Variants in ZSCAN25 observed in about 807,000 individuals in gnomAD.
ZSCAN25 encodes the protein zinc finger and SCAN domain containing 25, also known as zinc finger and SCAN domain-containing protein 25.
Under a neutral mutation model 38.7 loss-of-function variants are expected in ZSCAN25, and 27 were observed. The observed-to-expected ratio is 0.70, with a 90% CI of 0.51 to 0.96. The LOEUF (loss-of-function observed/expected upper bound fraction) is 0.96. Among genes scored for constraint, ZSCAN25 ranks in the 40% least tolerant of loss-of-function variants. The probability of loss-of-function intolerance (pLI) is 0.00; values close to 1 mark genes in which losing one functional copy is unlikely to be tolerated. For missense variants in ZSCAN25, 637 were observed against 705.9 expected (o/e 0.90, Z 1.11); for synonymous variants, 273 against 277.7 (o/e 0.98, Z 0.17).
the ZSCAN25 span, among the ~76,000 whole-genome samples, chr7:99,656,549 G>T: frequency 5.9e-5 from 9 of 152,088 alleles, no homozygotes; most frequent in African/African-American, 1.7e-4. Context: ...TCTCTTTTTT[G>T]GTTGTGTCTC....
downstream of ZSCAN25, among the ~76,000 whole-genome samples, chr7:99,632,823 A>G (rs1273040299): frequency 1.3e-5 from 2 of 152,132 alleles, no homozygotes; most frequent in East Asian, 3.9e-4. Flanking sequence ...CAAAATATCC[A>G]GTGAATTTTA....
chr7:99,663,010 G>C, the ZSCAN25 span: 5 of 1,457,868 alleles, frequency 3.4e-6, no homozygotes, highest in Non-Finnish European at 3.6e-6. Context: ...TCTTGAAGAC[G>C]TGTTACCTGA....
the ZSCAN25 span, among the ~76,000 whole-genome samples, chr7:99,696,228 A>C: frequency 1.7e-5 from 2 of 116,426 alleles, no homozygotes; most frequent in Admixed American, 2.1e-4. Flanking sequence ...CCTAGGCAGA[A>C]AGGGTGACTT....
chr7:99,710,715 A>G, the ZSCAN25 span: 51 of 1,613,662 alleles, frequency 3.2e-5, no homozygotes, highest in Middle Eastern at 1.6e-4. Context: ...CTCCTTCTCC[A>G]TGTACTGTCC....
At chr7:99,625,485 TCTC>T (rs1295271584) in intron 7 of ZSCAN25, among the ~76,000 whole-genome samples, 1 of 152,094 alleles carries the variant, frequency 6.6e-6, no homozygotes, top group African/African-American at 2.4e-5. Context: ...GGGGCACTGG[TCTC>T]CTGGGAGACC....
the ZSCAN25 span, chr7:99,676,292 G>A: frequency 6.3e-7 from 1 of 1,598,800 alleles, no homozygotes; most frequent in Non-Finnish European, 8.5e-7. Context: ...AACTGGAATG[G>A]TCAAGAGAGG....
chr7:99,694,480 C>T, the ZSCAN25 span, among the ~76,000 whole-genome samples: 1 of 152,200 alleles, frequency 6.6e-6, no homozygotes, highest in East Asian at 1.9e-4. Context: ...AATTACAACA[C>T]TTGCTCAGCG....
chr7:99,687,349 C>T, the ZSCAN25 span, among the ~76,000 whole-genome samples: 5 of 152,098 alleles, frequency 3.3e-5, no homozygotes, highest in Admixed American at 2.0e-4. Context: ...AGCTGAAGGC[C>T]AAGGATTGAG....
the ZSCAN25 span, among the ~76,000 whole-genome samples, chr7:99,698,192 T>G: frequency 6.6e-6 from 1 of 152,254 alleles, no homozygotes; most frequent in Non-Finnish European, 1.5e-5. Context: ...CTACAGTTTC[T>G]GACTCCTGGG....
At chr7:99,731,186 T>A in the ZSCAN25 span, 1 of 1,612,692 alleles carries the variant, frequency 6.2e-7, no homozygotes, top group East Asian at 2.2e-5. Context: ...GTCTCAGGGA[T>A]TGTGACTTTA....
the ZSCAN25 span, chr7:99,667,067 T>C: frequency 6.2e-7 from 1 of 1,611,558 alleles, no homozygotes; most frequent in African/African-American, 1.3e-5. Flanking sequence ...GCCTAAAGAC[T>C]AGAGTTCAAC....
the ZSCAN25 span, chr7:99,717,070 T>G: frequency 7.0e-6 from 10 of 1,433,514 alleles, no homozygotes; most frequent in African/African-American, 9.8e-5. Flanking sequence ...ACAGCCCTCC[T>G]TTTGTCTGGT....
the ZSCAN25 span, among the ~76,000 whole-genome samples, chr7:99,640,304 G>A: frequency 2.0e-5 from 3 of 152,100 alleles, no homozygotes; most frequent in Non-Finnish European, 4.4e-5. Context: ...GATTACAGGC[G>A]CCTGCCGTAG....
In ZSCAN25 at chr7:99,621,585, C is replaced by A; in HGVS notation, c.589+11C>A. The A allele has an allele frequency of 7.1e-7, 1 of 1,404,366 alleles. No homozygotes were observed. Among genetic ancestry groups the A allele is most frequent in the Admixed American group, 2.5e-5 (1 of 39,546 alleles). 87.0% of individuals were successfully genotyped at this position (1,404,366 alleles called of 1,614,324 possible). On this transcript the variant is annotated intron_variant, in intron 5 of 7. Transcript: ENST00000394152. ...CCTTCCAGGAGCAAGGTGAGTAAGA[C>A]GCAGATAGTGGGGATGTCAGGTCAT...
chr7:99,680,601 G>A, the ZSCAN25 span, among the ~76,000 whole-genome samples: 1 of 152,150 alleles, frequency 6.6e-6, no homozygotes, highest in African/African-American at 2.4e-5. Flanking sequence ...GCAGGGTACT[G>A]TACACATGGT....
At chr7:99,648,217 A>T in the ZSCAN25 span, 5 of 1,527,632 alleles carry the variant, frequency 3.3e-6, no homozygotes, top group South Asian at 1.3e-5. Flanking sequence ...GCCCATCTTT[A>T]TTTCAAGGTT....
chr7:99,676,274 TACTC>T, the ZSCAN25 span: 11 of 1,607,476 alleles, frequency 6.8e-6, no homozygotes, highest in East Asian at 9.0e-5. Flanking sequence ...GCTGGTGAGT[TACTC>T]AGGAACTGGA....
the ZSCAN25 span, among the ~76,000 whole-genome samples, chr7:99,726,601 C>T: frequency 6.6e-6 from 1 of 152,332 alleles, no homozygotes; most frequent in African/African-American, 2.4e-5. Flanking sequence ...ACCCATCAGT[C>T]CCAGCAGCTT....
the ZSCAN25 span, among the ~76,000 whole-genome samples, chr7:99,637,814 C>T: frequency 6.6e-6 from 1 of 152,080 alleles, no homozygotes; most frequent in Non-Finnish European, 1.5e-5. Flanking sequence ...ATGAAACAGA[C>T]TTGCAACATA....
Sources: allele counts gnomAD v4.1 joint callset (sites outside exome capture counted in the v4.1 genomes callset), GRCh38; gene constraint gnomAD v4.1.1; transcripts MANE v1.5; gene names NCBI Gene and HGNC (gene_info 2026-07-23, HGNC 2026-07-21).